Variants in ARMC8 observed in about 807,000 individuals in gnomAD.
ARMC8 encodes the protein armadillo repeat containing 8.
A neutral mutation model predicts 99.3 loss-of-function variants in ARMC8; 20 were observed. The observed-to-expected ratio is 0.20, with a 90% CI of 0.14 to 0.29. The LOEUF (loss-of-function observed/expected upper bound fraction) is 0.29. Among genes scored for constraint, ARMC8 ranks in the 10% least tolerant of loss-of-function variants. The pLI is 1.00. For synonymous variants in ARMC8, 263 were observed against 278.3 expected (o/e 0.95, Z 0.55); for missense variants, 569 against 809.5 (o/e 0.70, Z 3.60).
chr3:138,286,953 A>G (rs1229232415), intron 19 of ARMC8, among the ~76,000 whole-genome samples: 1 of 152,110 alleles, frequency 6.6e-6, no homozygotes, highest in Non-Finnish European at 1.5e-5. Context: ...CATTCACTCA[A>G]TTTATCAACA....
intron 6 of ARMC8, among the ~76,000 whole-genome samples, chr3:138,232,025 T>C (rs535773305): frequency 1.5e-5 from 2 of 132,542 alleles, no homozygotes; most frequent in African/African-American, 2.8e-5. Context: ...GGCTAGAGTG[T>C]AGTGGCGCAA....
intron 11 of ARMC8, among the ~76,000 whole-genome samples, chr3:138,244,678 G>T (rs1171366009): frequency 6.6e-6 from 1 of 152,208 alleles, no homozygotes. Flanking sequence ...TTTCATTCAG[G>T]TTATCAGCTG....
intron 10 of ARMC8, 87 bp downstream of exon 10, chr3:138,239,615 A>G (rs2046507516): frequency 4.8e-6 from 4 of 824,986 alleles, no homozygotes; most frequent in South Asian, 1.8e-5. Context: ...CATTTTACAC[A>G]TTTATCATTA....
At chr3:138,201,033 T>G (rs1455492638) in intron 1 of ARMC8, among the ~76,000 whole-genome samples, 1 of 150,652 alleles carries the variant, frequency 6.6e-6, no homozygotes, top group Non-Finnish European at 1.5e-5. Flanking sequence ...CTGCCTCAGC[T>G]TCCCCAGTAG....
intron 2 of ARMC8, among the ~76,000 whole-genome samples, chr3:138,214,159 T>TAAA (rs58183163): frequency 2.1e-5 from 3 of 139,814 alleles, no homozygotes; most frequent in Non-Finnish European, 3.1e-5. Flanking sequence ...TTGTTTTGTT[T>TAAA]AAAAAAAAAA....
intron 1 of ARMC8, among the ~76,000 whole-genome samples, chr3:138,206,270 T>A (rs1019830061): frequency 3.9e-5 from 6 of 152,248 alleles, no homozygotes; most frequent in African/African-American, 9.6e-5. Context: ...ATTGGTTTTT[T>A]AATTTTAATT....
intron 19 of ARMC8, 28 bp from the exon 20 acceptor site, chr3:138,289,020 A>T (rs1560056103): frequency 2.5e-6 from 4 of 1,568,800 alleles, no homozygotes; most frequent in East Asian, 2.3e-5. Context: ...CACCATTTTG[A>T]TTTTTTTTTC....
chr3:138,221,775 T>C (rs956841435), intron 2 of ARMC8, 151 bp from the exon 3 acceptor site: 5 of 600,480 alleles, frequency 8.3e-6, no homozygotes, highest in Non-Finnish European at 1.5e-5. Context: ...ACTCTGCACC[T>C]ATCTCTATCC....
At chr3:138,284,380 A>C in intron 18 of ARMC8, 51 bp from the exon 19 acceptor site, 1 of 1,428,102 alleles carries the variant, frequency 7.0e-7, no homozygotes, top group South Asian at 1.2e-5. Context: ...AGACAGCTTG[A>C]CTCTGGGACT....
intron 14 of ARMC8, among the ~76,000 whole-genome samples, chr3:138,264,987 C>T (rs2108271317): frequency 6.6e-6 from 1 of 151,858 alleles, no homozygotes; most frequent in South Asian, 2.1e-4. Flanking sequence ...AGCCTTGTGC[C>T]CCCCGGCCCA....
intron 2 of ARMC8, among the ~76,000 whole-genome samples, chr3:138,210,803 A>G (rs1017320432): frequency 6.6e-6 from 1 of 152,052 alleles, no homozygotes; most frequent in Non-Finnish European, 1.5e-5. Context: ...CAGTTCTTAA[A>G]GCCTCTCTCC....
intron 6 of ARMC8, among the ~76,000 whole-genome samples, chr3:138,231,343 C>T (rs2046016581): frequency 6.6e-6 from 1 of 152,014 alleles, no homozygotes; most frequent in Non-Finnish European, 1.5e-5. Context: ...CATAGGGACT[C>T]ACATTAAGCT....
chr3:138,241,875 A>G lies in ARMC8; in HGVS notation c.930A>G (p.Pro310=). 1.9e-6 allele frequency: 3 copies of G among 1,614,136 alleles called. No homozygotes were observed. The highest frequency in any genetic ancestry group is 1.3e-5 in the African/African-American group (1 of 75,072). Residue 310 remains proline (P), a synonymous_variant, in exon 11 of 22, where the codon CCA becomes CCG. Transcript: ENST00000469044. ...GAETLAYLIE[P]DVELQRIASI... is the part of the protein sequence containing the mutation. Reference sequence around the variant, plus strand: ...AGACACTTGCCTATCTGATTGAACCAGATGTTGAGCTACAGAGAATCGCTA... The same window carrying G: ...AGACACTTGCCTATCTGATTGAACCGGATGTTGAGCTACAGAGAATCGCTA...
At chr3:138,275,528 C>T (rs1389214801) in intron 18 of ARMC8, among the ~76,000 whole-genome samples, 2 of 151,836 alleles carry the variant, frequency 1.3e-5, no homozygotes, top group Admixed American at 6.6e-5. Context: ...CACTGCACTC[C>T]GACCTGGGCG....
intron 18 of ARMC8, among the ~76,000 whole-genome samples, chr3:138,276,256 A>AT (rs1270114539): frequency 1.3e-5 from 2 of 152,178 alleles, no homozygotes; most frequent in East Asian, 1.9e-4. Context: ...CTGATAAATT[A>AT]TTTTTTTGAC....
At chr3:138,188,564 G>A in intron 1 of ARMC8, 1 of 1,613,804 alleles carries the variant, frequency 6.2e-7, no homozygotes, top group Non-Finnish European at 8.5e-7. Context: ...GCTATTGTTG[G>A]AAACAAGCAG....
At position 138,295,874 on chromosome 3, in the gene ARMC8, G is replaced by T; in HGVS notation, c.2004G>T (p.Leu668=). Residue 668 remains leucine (L), a synonymous_variant, in exon 22 of 22, where the codon CTG becomes CTT. Coordinates refer to ENST00000469044, the MANE Select transcript of ARMC8 (RefSeq NM_001363941.2). The stretch of plus-strand genomic sequence containing the variant: ...GTGATTTCAGGGCAAAGATGGCACT[G>T]CAGCAGTACCTGGCATGATGGGAGT... ...SNLCDKAKMA[L]QQYLA is the part of the protein sequence containing the mutation. The T allele has an allele frequency of 1.2e-6, 2 of 1,613,716 alleles. No homozygotes were observed. Among genetic ancestry groups the T allele is most frequent in the Non-Finnish European group, 1.7e-6 (2 of 1,179,780 alleles).
At chr3:138,294,880 G>GT (rs1158484011) in intron 21 of ARMC8, among the ~76,000 whole-genome samples, 4 of 150,908 alleles carry the variant, frequency 2.7e-5, no homozygotes, top group African/African-American at 9.8e-5. Flanking sequence ...TGTTTTTTGG[G>GT]TTTTTTTGTT....
At chr3:138,245,225 C>G (rs2046827451) in intron 12 of ARMC8, 42 bp downstream of exon 12, 1 of 1,614,074 alleles carries the variant, frequency 6.2e-7, no homozygotes, top group Non-Finnish European at 8.5e-7. Flanking sequence ...TGACAGCCAG[C>G]AGGCAGGGAG....
Sources: allele counts gnomAD v4.1 joint callset (sites outside exome capture counted in the v4.1 genomes callset), GRCh38; gene constraint gnomAD v4.1.1; transcripts MANE v1.5; gene names NCBI Gene and HGNC (gene_info 2026-07-23, HGNC 2026-07-21).